The following RNF24 variants were observed in gnomAD, a reference collection of about 807,000 sequenced individuals.
The protein encoded by RNF24 is ring finger protein 24.
A neutral mutation model predicts 20.0 loss-of-function variants in RNF24; 14 were observed. That is an observed-to-expected ratio of 0.70 (90% CI 0.46 to 1.10). The LOEUF (loss-of-function observed/expected upper bound fraction) is 1.10, where lower values mean the gene tolerates loss of function less well. RNF24 is among the 50% of genes least tolerant of loss of function. The probability of loss-of-function intolerance (pLI) is 0.00; values close to 1 mark genes in which losing one functional copy is unlikely to be tolerated. For synonymous variants in RNF24, 45 were observed against 61.1 expected (o/e 0.74, Z 1.23); for missense variants, 124 against 177.6 (o/e 0.70, Z 1.71).
intron 1 of RNF24, among the ~76,000 whole-genome samples, chr20:3,980,778 C>G (rs1979312267): frequency 1.3e-5 from 2 of 152,122 alleles, no homozygotes; most frequent in Admixed American, 1.3e-4. Context: ...TTGGCCTGTA[C>G]AAAATTTTAA....
intron 2 of RNF24, among the ~76,000 whole-genome samples, chr20:3,962,896 T>C (rs2091218780): frequency 6.6e-6 from 1 of 151,986 alleles, no homozygotes; most frequent in Non-Finnish European, 1.5e-5. Context: ...AGACTGGGTT[T>C]CACCATGTTG....
chr20:4,003,630 CTCCTTTTTTTTTTT>C (rs1192763572), intron 1 of RNF24, among the ~76,000 whole-genome samples: 1 of 117,622 alleles, frequency 8.5e-6, no homozygotes, highest in Non-Finnish European at 1.7e-5. Context: ...ATGTTAGAAA[CTCCTTTTTTTTTTT>C]TTTTTTTTTT....
intron 2 of RNF24, among the ~76,000 whole-genome samples, chr20:3,954,149 C>CAAT (rs1338076667): frequency 1.3e-5 from 2 of 152,148 alleles, no homozygotes; most frequent in Non-Finnish European, 2.9e-5. Context: ...AAGTAGTGTA[C>CAAT]TCACAATGTT....
chr20:3,991,867 C>T (rs80021670), intron 1 of RNF24, among the ~76,000 whole-genome samples: 4,826 of 151,966 alleles, frequency 0.032, 259 homozygotes, highest in African/African-American at 0.11. Context: ...ATGAATAATG[C>T]ACATTATTGT....
intron 2 of RNF24, among the ~76,000 whole-genome samples, chr20:3,959,967 A>G (rs2091183921): frequency 6.6e-6 from 1 of 152,246 alleles, no homozygotes; most frequent in South Asian, 2.1e-4. Flanking sequence ...TATATAATTC[A>G]TTATAAAACA....
chr20:4,009,683 CTT>C (rs1982279757), intron 1 of RNF24, among the ~76,000 whole-genome samples: 1 of 152,030 alleles, frequency 6.6e-6, no homozygotes, highest in African/African-American at 2.4e-5. Context: ...GCAAAAAGAT[CTT>C]ATTAAGATTC....
intron 2 of RNF24, among the ~76,000 whole-genome samples, chr20:3,951,445 CTAT>C (rs1411417972): frequency 6.6e-6 from 1 of 152,142 alleles, no homozygotes; most frequent in African/African-American, 2.4e-5. Flanking sequence ...TACATATACT[CTAT>C]TATTTTCTCA....
chr20:3,942,816 C>CA (rs2090973085), intron 4 of RNF24, among the ~76,000 whole-genome samples: 1 of 148,942 alleles, frequency 6.7e-6, no homozygotes, highest in Non-Finnish European at 1.5e-5. Context: ...GGGATGAAGA[C>CA]AGTTTTTTTT....
intron 1 of RNF24, among the ~76,000 whole-genome samples, chr20:3,998,964 C>A (rs190307532): frequency 6.6e-6 from 1 of 151,792 alleles, no homozygotes; most frequent in South Asian, 2.1e-4. Flanking sequence ...CCTGTAACCC[C>A]AGCTACTCAG....
At position 3,934,699 on chromosome 20, in the gene RNF24, G is replaced by C. The variant is rs1162799503; in HGVS notation, c.308+295C>G. On this transcript the variant is annotated intron_variant, in intron 5 of 5. Coordinates refer to ENST00000358395, the MANE Select transcript of RNF24 (RefSeq NM_001134337.3). The surrounding 1 kb of genome is among the most constrained non-coding windows in gnomAD (Gnocchi z 4.0). ...ATTTAAATAAGTTTTTAGGAGATGA[G>C]GCTCTCAGTGGAAAGTTCCAGCTAA... Among the ~76,000 whole-genome samples, 1 of 152,144 alleles carries C rather than the reference G, an allele frequency of 6.6e-6. No individual in the cohort carries two copies. The highest frequency in any genetic ancestry group is 1.5e-5 in the Non-Finnish European group (1 of 68,034).
chr20:3,974,195 A>G (rs1978655338), intron 1 of RNF24: 1 of 841,696 alleles, frequency 1.2e-6, no homozygotes, highest in East Asian at 2.8e-5. Flanking sequence ...AAACTCCCAG[A>G]AATAGAAATG....
intron 2 of RNF24, among the ~76,000 whole-genome samples, chr20:3,948,802 GA>G (rs2091049320): frequency 6.6e-6 from 1 of 152,102 alleles, no homozygotes; most frequent in African/African-American, 2.4e-5. Context: ...CATGTAAATG[GA>G]TCGTTTGGTA....
intron 1 of RNF24, among the ~76,000 whole-genome samples, chr20:3,967,973 C>CA (rs58984163): frequency 0.023 from 1,773 of 77,142 alleles, 33 homozygotes; most frequent in East Asian, 0.11. Context: ...AGCCTGGCAA[C>CA]AAAAAAAAAA....
chr20:3,942,173 AT>A (rs35759811), intron 4 of RNF24, among the ~76,000 whole-genome samples: 196 of 145,372 alleles, frequency 1.3e-3, no homozygotes, highest in Admixed American at 1.4e-3. Context: ...TCAGAAAAAT[AT>A]TTTTTTTTTT....
intron 1 of RNF24, among the ~76,000 whole-genome samples, chr20:3,997,132 A>C (rs1446070620): frequency 6.7e-6 from 1 of 148,988 alleles, no homozygotes; most frequent in African/African-American, 2.5e-5. Flanking sequence ...AGGCTGAGGC[A>C]GGAGAGTTGC....
At chr20:4,010,706 T>C (rs546447663) in intron 1 of RNF24, among the ~76,000 whole-genome samples, 1 of 152,312 alleles carries the variant, frequency 6.6e-6, no homozygotes, top group African/African-American at 2.4e-5. Context: ...GTAAAAAAAC[T>C]TAATCCCCTC....
Sources: gnomAD v4.1 joint callset for allele counts (sites outside exome capture counted in the v4.1 genomes callset) on GRCh38, gnomAD v4.1.1 for gene constraint, Gnocchi (gnomAD v3.1) non-coding constraint, MANE v1.5 for transcripts, NCBI Gene and HGNC (gene_info 2026-07-23, HGNC 2026-07-21) for gene names.